SLC22A25: variants seen among roughly 807,000 people sequenced by gnomAD.
SLC22A25 encodes solute carrier family 22 member 25, also known as MGI:2442751, MGI:2385316, MGI:3042283, MGI:3645714, MGI:3605624, MGI:2442750.
In SLC22A25, 44 loss-of-function variants were observed where a neutral mutation model predicts 45.9. That is an observed-to-expected ratio of 0.96 (90% CI 0.75 to 1.23). SLC22A25 has a LOEUF of 1.23. SLC22A25 is among the 50% of genes most tolerant of loss of function. SLC22A25 has a pLI of 0.00. For synonymous variants in SLC22A25, 283 were observed against 238.6 expected, an observed-to-expected ratio of 1.19 and a Z score of -1.72; for missense variants, 800 against 666.4, an observed-to-expected ratio of 1.20 and a Z score of -2.21.
At chr11:63,227,598 G>A (rs1179077655) in intron 5 of SLC22A25, among the ~76,000 whole-genome samples, 1 of 152,180 alleles carries the variant, frequency 6.6e-6, no homozygotes, top group African/African-American at 2.4e-5. Flanking sequence ...GGTGCAAGGT[G>A]CATTGTCTGT....
chr11:63,210,781 G>C (rs1175021537), intron 7 of SLC22A25, among the ~76,000 whole-genome samples: 1 of 152,118 alleles, frequency 6.6e-6, no homozygotes, highest in Non-Finnish European at 1.5e-5. Context: ...ACTATCGTAG[G>C]GGCTACTGGG....
At chr11:63,189,423 T>G (rs147438468) in intron 7 of SLC22A25, among the ~76,000 whole-genome samples, 3,008 of 152,318 alleles carry the variant, frequency 0.02, 49 homozygotes, top group Non-Finnish European at 0.03. Context: ...CCCTTTATTT[T>G]GAGCCTATCT....
chr11:63,233,889 A>T (rs2090116510), intron 3 of SLC22A25, among the ~76,000 whole-genome samples: 2 of 152,074 alleles, frequency 1.3e-5, no homozygotes, highest in South Asian at 4.1e-4. Flanking sequence ...TCATTTCGTT[A>T]TGTACCCAGT....
At chr11:63,213,359 A>C (rs1030482598) in intron 7 of SLC22A25, among the ~76,000 whole-genome samples, 11 of 152,182 alleles carry the variant, frequency 7.2e-5, no homozygotes, top group African/African-American at 4.8e-5. Flanking sequence ...TATGTGGATG[A>C]ATGAAAGGGA....
chr11:63,231,049 A>C (rs1372952535), intron 3 of SLC22A25, among the ~76,000 whole-genome samples: 1 of 152,180 alleles, frequency 6.6e-6, no homozygotes, highest in Admixed American at 6.5e-5. Flanking sequence ...CTAGTCTATC[A>C]TTGGTGGACA....
chr11:63,187,122 C>A lies in SLC22A25; in HGVS notation c.831-3305G>T, dbSNP rs987828206. On this transcript the variant is annotated intron_variant, in intron 7 of 11. Transcript: ENST00000306494. Reference sequence around the variant, plus strand: ...TTGATGGGGATGTCATTGAATCTATCAATTACCTTGGGCAGTATGGCCATT... The same window carrying A: ...TTGATGGGGATGTCATTGAATCTATAAATTACCTTGGGCAGTATGGCCATT... 1.8e-4 allele frequency among the ~76,000 whole-genome samples: 28 copies of A among 152,108 alleles called. 3 individuals are homozygous for A. The South Asian group carries it at 4.4e-3, about 24-fold the overall frequency.
At chr11:63,168,631 G>A (rs541299880) in intron 9 of SLC22A25, among the ~76,000 whole-genome samples, 1 of 152,174 alleles carries the variant, frequency 6.6e-6, no homozygotes, top group East Asian at 1.9e-4. Context: ...AAGAATAAAA[G>A]GAACAAACCA....
intron 7 of SLC22A25, among the ~76,000 whole-genome samples, chr11:63,193,264 A>G (rs1159484384): frequency 1.3e-5 from 2 of 149,516 alleles, no homozygotes; most frequent in African/African-American, 4.9e-5. Flanking sequence ...TGTATATCCA[A>G]CTGAGCTTTT....
chr11:63,200,465 T>TA (rs150974952), intron 7 of SLC22A25, among the ~76,000 whole-genome samples: 6,822 of 151,088 alleles, frequency 0.045, 166 homozygotes, highest in Non-Finnish European at 0.056. Context: ...CCATTAATAT[T>TA]AAAAAAAACT....
In SLC22A25 at chr11:63,229,510, C is replaced by T. The variant is rs764453197; in HGVS notation, c.143G>A (p.Arg48His). 31 of 1,614,060 alleles carry T rather than the reference C, an allele frequency of 1.9e-5. No homozygotes were observed. The highest frequency in any genetic ancestry group is 4.5e-5 in the East Asian group (2 of 44,878). ...ATTGTCCAGTATATGAACCCAGCAGCGATGATCAAGTATGAATGCTGCGAA... is the reference window on the plus strand; with the variant it reads ...ATTGTCCAGTATATGAACCCAGCAGTGATGATCAAGTATGAATGCTGCGAA... ...ENFAAFILDHRCWVHILDNDT... is the reference protein window; with the variant it reads ...ENFAAFILDHHCWVHILDNDT... Residue 48 changes from arginine to histidine, a missense_variant, in exon 4 of 12, where the codon CGC becomes CAC. By Grantham distance (29) the Arg-to-His change is conservative. Transcript: ENST00000306494.
intron 5 of SLC22A25, among the ~76,000 whole-genome samples, chr11:63,227,159 G>A (rs1783652): frequency 0.49 from 74,096 of 151,512 alleles, 19,023 homozygotes; most frequent in Non-Finnish European, 0.57. Flanking sequence ...GGTACCTAAG[G>A]TGCAAGACAA....
At chr11:63,182,474 CTA>C (rs66520129) in intron 8 of SLC22A25, among the ~76,000 whole-genome samples, 55,639 of 148,426 alleles carry the variant, frequency 0.37, 10,412 homozygotes, top group East Asian at 0.54. Flanking sequence ...AAGAATTACA[CTA>C]TATATATATA....
At chr11:63,196,340 G>A (rs2089029536) in intron 7 of SLC22A25, among the ~76,000 whole-genome samples, 1 of 152,062 alleles carries the variant, frequency 6.6e-6, no homozygotes, top group Admixed American at 6.6e-5. Flanking sequence ...GATGAACATC[G>A]ATGCAAAAAT....
In SLC22A25 at chr11:63,163,202, T is replaced by C. The variant is rs2134702119; in HGVS notation, c.*622A>G. Among the ~76,000 whole-genome samples the C allele has an allele frequency of 6.6e-6, 1 of 152,292 alleles. No homozygotes were observed. Among genetic ancestry groups the C allele is most frequent in the East Asian group, 1.9e-4 (1 of 5,180 alleles). On this transcript the variant is annotated 3_prime_UTR_variant, in exon 12 of 12. Coordinates refer to ENST00000306494, the MANE Select transcript of SLC22A25 (RefSeq NM_199352.6). Reference sequence around the variant, plus strand: ...CTTCAACTCTCACACTTGGACACCATGGCATTGACCAAAGGGATTTTGGAA... The same window carrying C: ...CTTCAACTCTCACACTTGGACACCACGGCATTGACCAAAGGGATTTTGGAA...
intron 7 of SLC22A25, among the ~76,000 whole-genome samples, chr11:63,189,713 T>C (rs1590825772): frequency 6.6e-6 from 1 of 152,378 alleles, no homozygotes; most frequent in African/African-American, 2.4e-5. Flanking sequence ...TAGTGCTTCC[T>C]TCAGGAGCTC....
chr11:63,195,635 G>A (rs1339027735), intron 7 of SLC22A25, among the ~76,000 whole-genome samples: 2 of 152,004 alleles, frequency 1.3e-5, no homozygotes, highest in African/African-American at 4.8e-5. Context: ...AGCACTAAAT[G>A]CCCACAAGAG....
At chr11:63,224,893 A>G (rs2134830839) in intron 5 of SLC22A25, among the ~76,000 whole-genome samples, 1 of 152,178 alleles carries the variant, frequency 6.6e-6, no homozygotes, top group Non-Finnish European at 1.5e-5. Context: ...AGGTCAGGAG[A>G]TGGAGACCAT....
chr11:63,193,430 G>C (rs1174157458), intron 7 of SLC22A25, among the ~76,000 whole-genome samples: 1 of 152,182 alleles, frequency 6.6e-6, no homozygotes, highest in Non-Finnish European at 1.5e-5. Context: ...CCCCTGAGAC[G>C]AAGTTCCAGA....
chr11:63,224,207 CG>C (rs1284597222), intron 5 of SLC22A25, among the ~76,000 whole-genome samples: 3 of 151,870 alleles, frequency 2.0e-5, no homozygotes, highest in African/African-American at 7.2e-5. Flanking sequence ...TCTCTTTTTA[CG>C]TTTTTTTGTC....
Sources: gnomAD v4.1 joint callset for allele counts (sites outside exome capture counted in the v4.1 genomes callset) on GRCh38, gnomAD v4.1.1 for gene constraint, MANE v1.5 for transcripts, NCBI Gene and HGNC (gene_info 2026-07-23, HGNC 2026-07-21) for gene names.